Variants in TGM5 observed in about 807,000 individuals in gnomAD.
TGM5 encodes the protein protein-glutamine gamma-glutamyltransferase 5.
Under a neutral mutation model 77.2 loss-of-function variants are expected in TGM5, and 69 were observed. That is an observed-to-expected ratio of 0.89 (90% confidence interval 0.74 to 1.09). The LOEUF is 1.09. Among genes scored for constraint, TGM5 ranks in the 50% least tolerant of loss-of-function variants. TGM5 has a pLI of 0.00. For synonymous variants in TGM5, 346 were observed against 351.8 expected (o/e 0.98, Z 0.18); for missense variants, 842 against 896.5 (o/e 0.94, Z 0.78).
At chr15:43,261,234 C>A (rs552245390) in intron 1 of TGM5, among the ~76,000 whole-genome samples, 1 of 151,674 alleles carries the variant, frequency 6.6e-6, no homozygotes, top group Non-Finnish European at 1.5e-5. Flanking sequence ...GGGCTACAGG[C>A]GCCCGCCACC....
intron 6 of TGM5, among the ~76,000 whole-genome samples, chr15:43,242,450 A>G (rs566242044): frequency 6.6e-6 from 1 of 152,334 alleles, no homozygotes; most frequent in South Asian, 2.1e-4. Flanking sequence ...GTAGATCAAT[A>G]TCCCCCCTCC....
In TGM5 at chr15:43,233,665, T is replaced by C; in HGVS notation, c.1898A>G (p.Asn633Ser). Reference protein sequence around the residue: ...TINVLGAAVVNQPLSIQVIFS... With the variant: ...TINVLGAAVVSQPLSIQVIFS... ...TATCACCTGTATGGAGAGTGGCTGG[T>C]TCACAACGGCTGCTCCTAGAACCTA... is the stretch of plus-strand genomic sequence containing the variant. The change falls in exon 12 of 13, where the codon AAC (asparagine) becomes AGC (serine). Residue 633 changes from asparagine to serine, a missense_variant. By Grantham distance (46) the Asn-to-Ser change is conservative. Around this residue, in one of 2 missense-constraint regions of TGM5, gnomAD observed 815 missense variants for 844.6 expected, o/e 0.96. Coordinates refer to ENST00000220420, the MANE Select transcript of TGM5 (RefSeq NM_201631.4). The C allele has an allele frequency of 1.2e-6, 2 of 1,613,128 alleles. No homozygotes were observed. Among genetic ancestry groups the C allele is most frequent in the South Asian group, 2.2e-5 (2 of 91,036 alleles).
chr15:43,242,712 C>T (rs142579407), intron 6 of TGM5, among the ~76,000 whole-genome samples: 2 of 152,268 alleles, frequency 1.3e-5, no homozygotes, highest in East Asian at 3.9e-4. Flanking sequence ...GCCTTGAGCT[C>T]GCGTGGCAGG....
chr15:43,255,598 T>C (rs975121847), intron 4 of TGM5, among the ~76,000 whole-genome samples: 2 of 152,114 alleles, frequency 1.3e-5, no homozygotes, highest in African/African-American at 2.4e-5. Flanking sequence ...GGAGTTCTAT[T>C]TGGGCAGGTC....
chr15:43,247,205 C>T (rs2042675099), intron 6 of TGM5, among the ~76,000 whole-genome samples: 1 of 147,616 alleles, frequency 6.8e-6, no homozygotes, highest in Non-Finnish European at 1.5e-5. Flanking sequence ...TCAAATTAAT[C>T]TGCAAGGAAT....
intron 6 of TGM5, among the ~76,000 whole-genome samples, chr15:43,244,159 C>G (rs953284876): frequency 1.3e-5 from 2 of 152,226 alleles, no homozygotes; most frequent in Non-Finnish European, 2.9e-5. Flanking sequence ...TCACATAACC[C>G]TGATCGCCTG....
At position 43,235,638 on chromosome 15, in the gene TGM5, G is replaced by A; in HGVS notation, c.1545C>T (p.Asp515=). 6.2e-7 allele frequency: 1 copy of A among 1,614,212 alleles called. No individual in the cohort carries two copies. The highest frequency in any genetic ancestry group is 8.5e-7 in the Non-Finnish European group (1 of 1,180,048). ...VQVSLKFKLL[D]PPNMGQDICF... ...ATATATCCTGGCCCATGTTGGGCGG[G>A]TCGAGCAGCTTGAATTTCAGGGAGA... is the stretch of plus-strand genomic sequence containing the variant. The change falls in exon 10 of 13, where the codon GAC becomes GAT. Residue 515 remains aspartate, a synonymous_variant. Coordinates refer to ENST00000220420, the MANE Select transcript of TGM5 (RefSeq NM_201631.4).
intron 6 of TGM5, among the ~76,000 whole-genome samples, chr15:43,249,708 A>G (rs979085135): frequency 3.3e-5 from 5 of 152,236 alleles, no homozygotes; most frequent in Admixed American, 6.5e-5. Context: ...CTAGAACTCC[A>G]GGGTGCCTGG....
chr15:43,259,679 T>A (rs1372720088), intron 3 of TGM5, among the ~76,000 whole-genome samples: 1 of 152,154 alleles, frequency 6.6e-6, no homozygotes, highest in African/African-American at 2.4e-5. Context: ...CACTTTTCTC[T>A]TTCTTTTTTT....
At chr15:43,257,422 C>T (rs142126104) in intron 3 of TGM5, among the ~76,000 whole-genome samples, 196 of 152,280 alleles carry the variant, frequency 1.3e-3, no homozygotes, top group African/African-American at 4.6e-3. Context: ...TACACATATA[C>T]GTGCTGCCCA....
Position 43,260,520 on chromosome 15 carries a change from C to G in TGM5, c.70G>C (p.Glu24Gln). Reference sequence around the variant, plus strand: ...AGCAGGTGGTCCACAGTGATCTCCTCCGTGTGGTGCCGCACATTATTTCTG... The same window carrying G: ...AGCAGGTGGTCCACAGTGATCTCCTGCGTGTGGTGCCGCACATTATTTCTG... ...SSRNNVRHHT[E>Q]EITVDHLLVR... The change falls in exon 2 of 13, where the codon GAG (glutamate) becomes CAG (glutamine). Residue 24 changes from glutamate (E) to glutamine (Q), a missense_variant. By Grantham distance (29) the Glu-to-Gln change is conservative. Transcript: ENST00000220420. 1 of 1,614,172 alleles carries G rather than the reference C, an allele frequency of 6.2e-7. No individual in the cohort carries two copies. Among genetic ancestry groups the G allele is most frequent in the Non-Finnish European group, 8.5e-7 (1 of 1,180,018 alleles).
intron 6 of TGM5, among the ~76,000 whole-genome samples, chr15:43,248,385 G>C (rs937551454): frequency 1.3e-5 from 2 of 152,132 alleles, no homozygotes; most frequent in Non-Finnish European, 2.9e-5. Flanking sequence ...TGTTAGTCAA[G>C]TTGGTCTCGA....
intron 7 of TGM5, among the ~76,000 whole-genome samples, chr15:43,240,594 A>T (rs550004279): frequency 6.6e-6 from 1 of 151,288 alleles, no homozygotes; most frequent in East Asian, 2.0e-4. Context: ...AAAGATGAAA[A>T]CCTCAACCCA....
intron 12 of TGM5, 41 bp downstream of exon 12, chr15:43,233,513 G>A (rs781013927): frequency 6.2e-7 from 1 of 1,613,916 alleles, no homozygotes. Context: ...CTAATCTCAG[G>A]GGGGAAAAAC....
intron 6 of TGM5, among the ~76,000 whole-genome samples, chr15:43,249,877 G>A (rs1038349070): frequency 6.6e-6 from 1 of 152,244 alleles, no homozygotes. Context: ...TCAACGTGTT[G>A]AAAGGCCACA....
At chr15:43,261,089 T>TGTTTTTTG (rs1566837511) in intron 1 of TGM5, among the ~76,000 whole-genome samples, 2 of 119,286 alleles carry the variant, frequency 1.7e-5, no homozygotes, top group African/African-American at 6.8e-5. Context: ...TTTTTTTTTT[T>TGTTTTTTG]TTTTTTTTTT....
rs757598618 is a variant in TGM5 at position 43,260,289 on chromosome 15, G to A, written c.199C>T (p.Pro67Ser). Residue 67 changes from proline (P) to serine (S), a missense_variant, in exon 3 of 13, where the codon CCA becomes TCA. Pro to Ser is a moderately conservative substitution (Grantham distance 74, BLOSUM62 -1). Around this residue, in one of 2 missense-constraint regions of TGM5, gnomAD observed 815 missense variants for 844.6 expected, o/e 0.96. Coordinates refer to ENST00000220420, the MANE Select transcript of TGM5 (RefSeq NM_201631.4). ...GCCCGAGTCCCCAAGGCCAGGTCTG[G>A]CAGCGGTCCTAGGAGGGAAGTAGAG... ...IIFVVETGPL[P>S]DLALGTRAVF... 1 of 1,614,044 alleles carries A rather than the reference G, an allele frequency of 6.2e-7. No individual in the cohort carries two copies. Among genetic ancestry groups the A allele is most frequent in the South Asian group, 1.1e-5 (1 of 91,082 alleles).
intron 6 of TGM5, among the ~76,000 whole-genome samples, chr15:43,242,098 A>AG (rs11430059): frequency 1 from 151,989 of 152,336 alleles, 75,822 homozygotes; most frequent in Middle Eastern, 1. Context: ...AGTATCCTTA[A>AG]ACAACTCTAT....
chr15:43,249,110 G>T (rs751944223), intron 6 of TGM5, among the ~76,000 whole-genome samples: 8 of 152,072 alleles, frequency 5.3e-5, no homozygotes, highest in Non-Finnish European at 7.4e-5. Context: ...ACAGAAGAGG[G>T]ATGATGCTGT....
Sources: allele counts gnomAD v4.1 joint callset (sites outside exome capture counted in the v4.1 genomes callset), GRCh38; gene constraint gnomAD v4.1.1; regional missense constraint gnomAD v4.1.1; transcripts MANE v1.5; gene names NCBI Gene and HGNC (gene_info 2026-07-23, HGNC 2026-07-21).